Variants in STK39 observed in about 807,000 individuals in gnomAD.
STK39 encodes the protein serine/threonine kinase 39.
Under a neutral mutation model 77.8 loss-of-function variants are expected in STK39, and 20 were observed. The observed-to-expected ratio is 0.26, with a 90% CI of 0.18 to 0.37. STK39 has a LOEUF of 0.37. Ranked by LOEUF, STK39 falls within the 10% of genes least tolerant of loss-of-function variation. STK39 has a pLI of 1.00. For missense variants in STK39, 479 were observed against 656.5 expected, an observed-to-expected ratio of 0.73 and a Z score of 2.95; for synonymous variants, 246 against 234.1, an observed-to-expected ratio of 1.05 and a Z score of -0.47.
intron 16 of STK39, among the ~76,000 whole-genome samples, chr2:167,997,140 T>C (rs907171460): frequency 2.6e-5 from 4 of 151,274 alleles, no homozygotes; most frequent in South Asian, 4.2e-4. Flanking sequence ...AGAGAAGTAA[T>C]AGGAGAAGGT....
chr2:168,096,448 TGA>T (rs1195461417), intron 10 of STK39, among the ~76,000 whole-genome samples: 1 of 152,160 alleles, frequency 6.6e-6, no homozygotes, highest in Non-Finnish European at 1.5e-5. Flanking sequence ...ATCATGTGGG[TGA>T]AACAGTCCAG....
chr2:167,990,016 C>A (rs10201836), intron 16 of STK39, among the ~76,000 whole-genome samples: 23,216 of 151,890 alleles, frequency 0.15, 1,981 homozygotes, highest in Middle Eastern at 0.19. Context: ...CAATAATAAT[C>A]ATCATCATCA....
chr2:168,197,304 C>T (rs1689496729), intron 1 of STK39, among the ~76,000 whole-genome samples: 1 of 152,102 alleles, frequency 6.6e-6, no homozygotes, highest in African/African-American at 2.4e-5. Context: ...TATGTAATCG[C>T]CTCTACTATA....
chr2:168,204,714 A>C (rs1689697801), intron 1 of STK39, among the ~76,000 whole-genome samples: 1 of 152,234 alleles, frequency 6.6e-6, no homozygotes, highest in South Asian at 2.1e-4. Context: ...CCCATGCTAG[A>C]GTCTGAATTA....
chr2:168,073,869 C>T lies in STK39; in HGVS notation c.1242+1113G>A, dbSNP rs575602979. On this transcript the variant is annotated intron_variant, in intron 12 of 17. Coordinates refer to ENST00000355999, the MANE Select transcript of STK39 (RefSeq NM_013233.3). ...CTGACCTCACGTGATCCACCCGACTCGGCCTCCAAAAGCGCTGGGATTACA... is the reference window on the plus strand; with the variant it reads ...CTGACCTCACGTGATCCACCCGACTTGGCCTCCAAAAGCGCTGGGATTACA... 2.0e-4 allele frequency among the ~76,000 whole-genome samples: 30 copies of T among 152,236 alleles called. No homozygotes were observed. In the South Asian group the frequency reaches 6.0e-3, roughly 31 times the overall value.
intron 10 of STK39, among the ~76,000 whole-genome samples, chr2:168,080,697 T>C (rs567883547): frequency 6.6e-6 from 1 of 152,208 alleles, no homozygotes; most frequent in South Asian, 2.1e-4. Context: ...CAGAGAACTT[T>C]GTGGCAGCCC....
At chr2:167,967,730 C>T (rs1692198113) in intron 16 of STK39, among the ~76,000 whole-genome samples, 3 of 152,184 alleles carry the variant, frequency 2.0e-5, no homozygotes, top group African/African-American at 4.8e-5. Context: ...CTAAGTCAGG[C>T]ATTCTCCAGA....
chr2:168,039,598 C>CA (rs1685050293), intron 14 of STK39, among the ~76,000 whole-genome samples: 1 of 130,706 alleles, frequency 7.7e-6, no homozygotes, highest in African/African-American at 3.3e-5. Context: ...GACTCCGTCT[C>CA]CAAAAAAAAA....
chr2:168,179,079 C>T (rs1689020408), intron 2 of STK39, among the ~76,000 whole-genome samples: 1 of 152,240 alleles, frequency 6.6e-6, no homozygotes, highest in Non-Finnish European at 1.5e-5. Flanking sequence ...TATGACATAA[C>T]ACTCTCACAA....
chr2:168,047,002 A>T (rs911154630), intron 14 of STK39, among the ~76,000 whole-genome samples: 1 of 152,226 alleles, frequency 6.6e-6, no homozygotes, highest in African/African-American at 2.4e-5. Context: ...TAAACTGATT[A>T]AAAAAGAATG....
chr2:168,052,586 C>T (rs528475464), intron 14 of STK39, among the ~76,000 whole-genome samples: 2 of 152,270 alleles, frequency 1.3e-5, no homozygotes, highest in African/African-American at 4.8e-5. Context: ...TAAAATACGC[C>T]TTTCATTAAA....
intron 1 of STK39, among the ~76,000 whole-genome samples, chr2:168,196,660 TATAA>T (rs1689476330): frequency 6.6e-6 from 1 of 152,128 alleles, no homozygotes. Flanking sequence ...AAAAGGGTAA[TATAA>T]ATAATTTCAG....
At chr2:168,084,186 G>C (rs942534137) in intron 10 of STK39, among the ~76,000 whole-genome samples, 14 of 152,304 alleles carry the variant, frequency 9.2e-5, no homozygotes, top group Non-Finnish European at 1.9e-4. Context: ...GGGCATGGTG[G>C]GGGGAAGGGA....
At chr2:168,041,450 G>A (rs1685104995) in intron 14 of STK39, among the ~76,000 whole-genome samples, 1 of 137,122 alleles carries the variant, frequency 7.3e-6, no homozygotes, top group Non-Finnish European at 1.6e-5. Flanking sequence ...GTATATTTGG[G>A]GAAAGAATTA....
intron 2 of STK39, among the ~76,000 whole-genome samples, chr2:168,168,869 A>G (rs4668039): frequency 0.27 from 41,646 of 152,022 alleles, 6,534 homozygotes; most frequent in East Asian, 0.56. Context: ...TGTAGTCCCA[A>G]TGACTGAGGA....
intron 14 of STK39, among the ~76,000 whole-genome samples, chr2:168,061,257 C>A (rs60062919): frequency 0.029 from 4,146 of 143,058 alleles, 148 homozygotes; most frequent in East Asian, 0.18. Flanking sequence ...AAAAAAAAAA[C>A]CACATTATCT....
chr2:168,086,838 A>T (rs1204188771), intron 10 of STK39, among the ~76,000 whole-genome samples: 2 of 152,214 alleles, frequency 1.3e-5, no homozygotes, highest in African/African-American at 4.8e-5. Flanking sequence ...AACTATTCTG[A>T]GGAGGCAGCA....
At chr2:168,171,506 T>A (rs919077966) in intron 2 of STK39, among the ~76,000 whole-genome samples, 1 of 140,736 alleles carries the variant, frequency 7.1e-6, no homozygotes, top group Non-Finnish European at 1.5e-5. Flanking sequence ...TTTTTTTTTT[T>A]AGACAATCTC....
Position 167,983,083 on chromosome 2 carries a change from A to G in STK39, c.1499-18357T>C, listed in dbSNP as rs144203917. Among the ~76,000 whole-genome samples, 1,432 of 152,274 alleles carry G rather than the reference A, an allele frequency of 9.4e-3. 22 individuals carry two copies. The highest frequency in any genetic ancestry group is 0.033 in the African/African-American group (1,360 of 41,552). On this transcript the variant is annotated intron_variant, in intron 16 of 17. Coordinates refer to ENST00000355999, the MANE Select transcript of STK39 (RefSeq NM_013233.3). Reference sequence around the variant, plus strand: ...ACGAATGAAAATAACCTAGCAGCATATTTTTGTTGAGGATAATATGTTAAC... The same window carrying G: ...ACGAATGAAAATAACCTAGCAGCATGTTTTTGTTGAGGATAATATGTTAAC...
Sources: gnomAD v4.1 joint callset for allele counts (sites outside exome capture counted in the v4.1 genomes callset) on GRCh38, gnomAD v4.1.1 for gene constraint, MANE v1.5 for transcripts, NCBI Gene and HGNC (gene_info 2026-07-23, HGNC 2026-07-21) for gene names.